The following RNF144A variants were observed in gnomAD, a reference collection of about 807,000 sequenced individuals.
RNF144A encodes ring finger protein 144A.
A neutral mutation model predicts 38.7 loss-of-function variants in RNF144A; 11 were observed. The observed-to-expected ratio is 0.28, with a 90% CI of 0.18 to 0.47. The LOEUF (loss-of-function observed/expected upper bound fraction) is 0.47, where lower values mean the gene tolerates loss of function less well. RNF144A is among the 20% of genes least tolerant of loss of function. The pLI is 0.99. For synonymous variants in RNF144A, 149 were observed against 143.9 expected (o/e 1.04, Z -0.25); for missense variants, 316 against 377.2 (o/e 0.84, Z 1.34).
In RNF144A at chr2:7,020,675, G is replaced by A. The variant is rs1671466774; in HGVS notation, c.504G>A (p.Glu168=). The A allele has an allele frequency of 1.2e-6, 2 of 1,602,166 alleles. No individual in the cohort carries two copies. The highest frequency in any genetic ancestry group is 1.3e-5 in the African/African-American group (1 of 74,934). The change falls in exon 6 of 9, where the codon GAG becomes GAA. Residue 168 remains glutamate, a synonymous_variant. Transcript: ENST00000320892. Reference sequence around the variant, plus strand: ...TGCCGATCACCTTCCTCCCCGGGGAGACCAGGTACCCTTTGTACACAAGCT... The same window carrying A: ...TGCCGATCACCTTCCTCCCCGGGGAAACCAGGTACCCTTTGTACACAAGCT... ...ETMPITFLPG[E]TSAAFKMEED... is the part of the protein sequence containing the mutation.
chr2:6,939,650 G>C (rs1046297057), intron 1 of RNF144A, among the ~76,000 whole-genome samples: 1 of 151,992 alleles, frequency 6.6e-6, no homozygotes, highest in African/African-American at 2.4e-5. Flanking sequence ...TTCTTCATCT[G>C]TGATCACAAA....
chr2:7,038,183 A>T (rs1404612675), intron 8 of RNF144A, among the ~76,000 whole-genome samples: 3 of 152,254 alleles, frequency 2.0e-5, no homozygotes. Flanking sequence ...ACAGGGGGCC[A>T]GGTCATTCTC....
chr2:7,030,055 A>T, intron 7 of RNF144A, 71 bp from the exon 8 acceptor site: 1 of 1,038,772 alleles, frequency 9.6e-7, no homozygotes, highest in Non-Finnish European at 1.5e-6. Context: ...GAAATGCATC[A>T]ATGGCTGTGA....
Position 7,014,754 on chromosome 2 carries a change from A to G in RNF144A, c.283A>G (p.Lys95Glu), listed in dbSNP as rs1432601534. Residue 95 changes from lysine to glutamate, a missense_variant, in exon 5 of 9, where the codon AAG becomes GAG. Physicochemically the swap from Lys to Glu is moderately conservative, Grantham distance 56. Transcript: ENST00000320892. ...AGCTGAAATTATGCAAAGATATAAAAAGCTACAATTTGAAAGAGGTAGGTG... is the reference window on the plus strand; with the variant it reads ...AGCTGAAATTATGCAAAGATATAAAGAGCTACAATTTGAAAGAGGTAGGTG... The part of the protein sequence containing the change: ...VAAEIMQRYK[K>E]LQFEREVLFD... 6.2e-7 allele frequency: 1 copy of G among 1,613,070 alleles called. No homozygotes were observed. The highest frequency in any genetic ancestry group is 1.3e-5 in the African/African-American group (1 of 75,026).
chr2:6,997,985 T>C (rs962963022), intron 3 of RNF144A, among the ~76,000 whole-genome samples: 2 of 152,202 alleles, frequency 1.3e-5, no homozygotes, highest in African/African-American at 4.8e-5. Flanking sequence ...AGATGATGGA[T>C]ATTTAATTAG....
chr2:6,997,163 T>C, intron 3 of RNF144A, 102 bp downstream of exon 3: 1 of 1,174,864 alleles, frequency 8.5e-7, no homozygotes. Flanking sequence ...ACATTTTGCC[T>C]GACAGTGGAG....
At chr2:7,069,909 CAACAGCTCTCCTGCTTG>C (rs1674395589), downstream of RNF144A, among the ~76,000 whole-genome samples, 1 of 152,206 alleles carries the variant, frequency 6.6e-6, no homozygotes, top group African/African-American at 2.4e-5. Context: ...AATGTGTTGT[CAACAGCTCTCCTGCTTG>C]AACTTTTCAA....
chr2:7,017,313 T>TTG (rs1671204578), intron 5 of RNF144A, among the ~76,000 whole-genome samples: 1 of 104,324 alleles, frequency 9.6e-6, no homozygotes, highest in African/African-American at 3.6e-5. Flanking sequence ...TTTTTTTTTT[T>TTG]GTTCTTTGTT....
At chr2:7,068,603 G>A (rs1198384816), downstream of RNF144A, among the ~76,000 whole-genome samples, 3 of 152,188 alleles carry the variant, frequency 2.0e-5, no homozygotes, top group African/African-American at 7.2e-5. Flanking sequence ...TGGCGAATCC[G>A]AGTCAGACAA....
At chr2:7,007,033 C>T (rs1289932964) in intron 3 of RNF144A, among the ~76,000 whole-genome samples, 1 of 152,100 alleles carries the variant, frequency 6.6e-6, no homozygotes, top group African/African-American at 2.4e-5. Context: ...AGTGCCTTCC[C>T]ACCCCCTCAG....
intron 3 of RNF144A, among the ~76,000 whole-genome samples, chr2:6,999,055 T>G (rs1669936825): frequency 6.6e-6 from 1 of 152,208 alleles, no homozygotes. Flanking sequence ...TCTAGAGAAT[T>G]GTAGTAAAAA....
chr2:7,060,413 T>C (rs1673907079), intron 6 of RNF144A, among the ~76,000 whole-genome samples: 1 of 152,196 alleles, frequency 6.6e-6, no homozygotes, highest in South Asian at 2.1e-4. Context: ...CATCTGTCAT[T>C]TTCTTCAGGC....
chr2:6,957,349 T>C (rs1438504075), intron 2 of RNF144A, among the ~76,000 whole-genome samples: 1 of 152,228 alleles, frequency 6.6e-6, no homozygotes. Context: ...TTGGTAAATA[T>C]TAGCTGAATG....
intron 1 of RNF144A, among the ~76,000 whole-genome samples, chr2:6,918,062 A>C (rs1470473369): frequency 6.6e-6 from 1 of 151,918 alleles, no homozygotes; most frequent in Non-Finnish European, 1.5e-5. Flanking sequence ...CCGCCCGCAG[A>C]CCCTGGGGCT....
intron 2 of RNF144A, among the ~76,000 whole-genome samples, chr2:6,953,243 A>G (rs1463925013): frequency 6.6e-6 from 1 of 152,158 alleles, no homozygotes; most frequent in African/African-American, 2.4e-5. Context: ...CCTGGCCAAC[A>G]TGGTGAAACT....
intron 2 of RNF144A, among the ~76,000 whole-genome samples, chr2:6,984,427 C>T (rs538987074): frequency 2.0e-5 from 3 of 152,196 alleles, no homozygotes; most frequent in South Asian, 2.1e-4. Context: ...CTCAGCCTCC[C>T]GAGTAGCTGG....
At chr2:6,995,471 A>G (rs1383153134) in intron 2 of RNF144A, among the ~76,000 whole-genome samples, 2 of 152,224 alleles carry the variant, frequency 1.3e-5, no homozygotes, top group African/African-American at 4.8e-5. Flanking sequence ...GTGAGGTCCC[A>G]CAGTAGGCCA....
chr2:6,955,508 C>G (rs2103320865), intron 2 of RNF144A, among the ~76,000 whole-genome samples: 1 of 152,312 alleles, frequency 6.6e-6, no homozygotes, highest in East Asian at 1.9e-4. Flanking sequence ...TCCAGGCCCT[C>G]CTGCCATCCA....
chr2:7,048,274 G>T (rs927967133), downstream of RNF144A, among the ~76,000 whole-genome samples: 3 of 152,192 alleles, frequency 2.0e-5, no homozygotes, highest in Non-Finnish European at 4.4e-5. Context: ...CCTTCCAGGG[G>T]ATAAGCATCA....
Sources: allele counts gnomAD v4.1 joint callset (sites outside exome capture counted in the v4.1 genomes callset), GRCh38; gene constraint gnomAD v4.1.1; transcripts MANE v1.5; gene names NCBI Gene and HGNC (gene_info 2026-07-23, HGNC 2026-07-21).